CNNM2: variants seen among roughly 807,000 people sequenced by gnomAD.
CNNM2 encodes the protein metal transporter CNNM2.
In CNNM2, 12 loss-of-function variants were observed where a neutral mutation model predicts 66.9. The ratio of observed to expected loss-of-function variants is 0.18; its 90% CI spans 0.11 to 0.29. CNNM2 has a LOEUF of 0.29. Among genes scored for constraint, CNNM2 ranks in the 10% least tolerant of loss-of-function variants. The pLI is 1.00. For missense variants in CNNM2, 705 were observed against 1,167.7 expected (o/e 0.60, Z 5.77); for synonymous variants, 557 against 501.8 (o/e 1.11, Z -1.47).
intron 4 of CNNM2, among the ~76,000 whole-genome samples, chr10:103,067,605 C>CT (rs1222952376): frequency 6.6e-6 from 1 of 152,178 alleles, no homozygotes; most frequent in African/African-American, 2.4e-5. Context: ...ATTTCTGACC[C>CT]TTGGCCTGAG....
chr10:102,920,425 G>A (rs775781616), intron 1 of CNNM2, among the ~76,000 whole-genome samples: 1 of 151,182 alleles, frequency 6.6e-6, no homozygotes, highest in East Asian at 1.9e-4. Context: ...TGAGGGGTCT[G>A]CCGCCTTCAT....
At chr10:103,049,235 A>G (rs1310625669) in intron 1 of CNNM2, among the ~76,000 whole-genome samples, 2 of 152,200 alleles carry the variant, frequency 1.3e-5, no homozygotes, top group African/African-American at 2.4e-5. Flanking sequence ...GCTTGCTCCC[A>G]CTACGTTCAT....
chr10:102,930,860 C>T (rs74154502), intron 1 of CNNM2, among the ~76,000 whole-genome samples: 39 of 152,292 alleles, frequency 2.6e-4, no homozygotes, highest in African/African-American at 8.9e-4. Flanking sequence ...CATGTTGTAG[C>T]ATGTATCAGT....
chr10:102,972,841 C>T (rs2063567011), intron 1 of CNNM2, among the ~76,000 whole-genome samples: 1 of 152,142 alleles, frequency 6.6e-6, no homozygotes, highest in African/African-American at 2.4e-5. Context: ...ATTCATGCAA[C>T]TGATAAGGAG....
At chr10:102,995,593 G>A (rs1045999383) in intron 1 of CNNM2, among the ~76,000 whole-genome samples, 2 of 147,576 alleles carry the variant, frequency 1.4e-5, no homozygotes, top group Admixed American at 6.9e-5. Context: ...AAGTTTTCAG[G>A]TTATGTAGAT....
chr10:102,963,028 A>G (rs1197203985), intron 1 of CNNM2, among the ~76,000 whole-genome samples: 1 of 152,154 alleles, frequency 6.6e-6, no homozygotes, highest in African/African-American at 2.4e-5. Context: ...GTGTAGGTAC[A>G]TTTTCACATT....
rs188546342 is a variant in CNNM2, at chr10:103,016,325, A to C, written c.1622-33382A>C. 3.2e-3 allele frequency among the ~76,000 whole-genome samples: 480 copies of C among 152,256 alleles called. 2 individuals are homozygous for C. Among genetic ancestry groups the C allele is most frequent in the Admixed American group, 6.0e-3 (92 of 15,288 alleles). ...CTTTTTAATGGGTCATGGTGTTTCCAGTGTAATTTTAATCCTTTAAAAATC... is the reference window on the plus strand; with the variant it reads ...CTTTTTAATGGGTCATGGTGTTTCCCGTGTAATTTTAATCCTTTAAAAATC... On this transcript the variant is annotated intron_variant, in intron 1 of 7. Transcript: ENST00000369878.
intron 6 of CNNM2, among the ~76,000 whole-genome samples, chr10:103,073,793 C>T (rs948488914): frequency 2.8e-4 from 37 of 133,038 alleles, no homozygotes; most frequent in African/African-American, 9.4e-4. Context: ...ACCCGGGAAG[C>T]GGAACTTGCA....
intron 4 of CNNM2, among the ~76,000 whole-genome samples, chr10:103,058,677 A>T (rs2065334377): frequency 6.6e-6 from 1 of 152,186 alleles, no homozygotes; most frequent in South Asian, 2.1e-4. Context: ...AAAGGTGACA[A>T]GTTTTTTGAA....
chr10:103,069,521 GC>G (rs2065537639), intron 5 of CNNM2, among the ~76,000 whole-genome samples: 1 of 152,212 alleles, frequency 6.6e-6, no homozygotes, highest in Non-Finnish European at 1.5e-5. Flanking sequence ...TGAGGTTGTT[GC>G]TATATACTGA....
chr10:102,989,916 A>G (rs1188465868), intron 1 of CNNM2, among the ~76,000 whole-genome samples: 1 of 152,032 alleles, frequency 6.6e-6, no homozygotes, highest in Non-Finnish European at 1.5e-5. Flanking sequence ...TATAATAATT[A>G]TAACAGCCTC....
At chr10:102,921,465 G>T (rs1845633378) in intron 1 of CNNM2, among the ~76,000 whole-genome samples, 1 of 152,168 alleles carries the variant, frequency 6.6e-6, no homozygotes, top group Non-Finnish European at 1.5e-5. Context: ...TCACATTGTA[G>T]TAAGTTTTAT....
chr10:102,932,021 G>A (rs1429071668), intron 1 of CNNM2, among the ~76,000 whole-genome samples: 1 of 151,780 alleles, frequency 6.6e-6, no homozygotes, highest in Non-Finnish European at 1.5e-5. Context: ...TTTTAACTTG[G>A]GTTATTTGTC....
chr10:103,062,091 ATAAAG>A (rs1479294585), intron 4 of CNNM2, among the ~76,000 whole-genome samples: 1 of 152,226 alleles, frequency 6.6e-6, no homozygotes, highest in Non-Finnish European at 1.5e-5. Flanking sequence ...TCTATTAACT[ATAAAG>A]TAGTAGAAAC....
chr10:102,930,736 A>G (rs1476831892), intron 1 of CNNM2, among the ~76,000 whole-genome samples: 4 of 152,152 alleles, frequency 2.6e-5, no homozygotes. Context: ...GTCACTGGCA[A>G]CTAATTTACT....
rs374156964 is a variant in CNNM2 at position 103,089,879 on chromosome 10, T to A, written c.*12699T>A. The A allele has an allele frequency of 1.9e-6, 3 of 1,611,764 alleles. No homozygotes were observed. The African/African-American group carries it at 4.0e-5, about 22-fold the overall frequency. Reference sequence around the variant, plus strand: ...ACTCCATCTCATTGATATCTACGTGTGTGTGCTCCACCGTTGATTCATGAG... The same window carrying A: ...ACTCCATCTCATTGATATCTACGTGAGTGTGCTCCACCGTTGATTCATGAG... On this transcript the variant is annotated 3_prime_UTR_variant, in exon 8 of 8. Transcript: ENST00000369878.
intron 5 of CNNM2, 61 bp downstream of exon 5, chr10:103,068,783 C>G: frequency 7.6e-7 from 1 of 1,317,476 alleles, no homozygotes; most frequent in Non-Finnish European, 1.1e-6. Flanking sequence ...GGCCCCTCTC[C>G]TTTCATCTTG....
At chr10:102,950,372 C>CA (rs1418265404) in intron 1 of CNNM2, among the ~76,000 whole-genome samples, 3 of 152,100 alleles carry the variant, frequency 2.0e-5, no homozygotes, top group African/African-American at 7.2e-5. Context: ...ATATGAGAAA[C>CA]AGAGTCTTAC....
chr10:103,041,639 C>A (rs1373477813), intron 1 of CNNM2, among the ~76,000 whole-genome samples: 1 of 152,240 alleles, frequency 6.6e-6, no homozygotes, highest in Admixed American at 6.5e-5. Context: ...GCCCTTCCTC[C>A]ACCACAGTCT....
Sources: gnomAD v4.1 joint callset for allele counts (sites outside exome capture counted in the v4.1 genomes callset) on GRCh38, gnomAD v4.1.1 for gene constraint, MANE v1.5 for transcripts, NCBI Gene and HGNC (gene_info 2026-07-23, HGNC 2026-07-21) for gene names.